The following LMBRD1 variants were observed in gnomAD, a reference collection of about 807,000 sequenced individuals.
LMBRD1 encodes the protein lysosomal cobalamin transport escort protein LMBD1.
In LMBRD1, 64 loss-of-function variants were observed where a neutral mutation model predicts 74.8. The observed-to-expected ratio is 0.86, with a 90% CI of 0.70 to 1.05. The LOEUF is 1.05. LMBRD1 is among the 50% of genes least tolerant of loss of function. The pLI is 0.00. For missense variants in LMBRD1, 652 were observed against 645.9 expected, an observed-to-expected ratio of 1.01 and a Z score of -0.10; for synonymous variants, 204 against 216.3, an observed-to-expected ratio of 0.94 and a Z score of 0.50.
intron 9 of LMBRD1, among the ~76,000 whole-genome samples, chr6:69,713,031 C>T (rs1181649730): frequency 6.6e-6 from 1 of 152,044 alleles, no homozygotes. Flanking sequence ...GAAACAATTG[C>T]ATCTCCATAA....
At chr6:69,738,064 T>A in intron 6 of LMBRD1, 49 bp from the exon 7 acceptor site, 1 of 1,321,582 alleles carries the variant, frequency 7.6e-7, no homozygotes, top group Non-Finnish European at 1.1e-6. Flanking sequence ...ACTACTCAAA[T>A]CCTTATATTT....
intron 5 of LMBRD1, among the ~76,000 whole-genome samples, chr6:69,743,421 C>A (rs1222953453): frequency 6.6e-6 from 1 of 152,102 alleles, no homozygotes; most frequent in Non-Finnish European, 1.5e-5. Context: ...AATTAATTAA[C>A]CCTTGCTCTT....
chr6:69,756,445 G>A (rs1225032611), intron 3 of LMBRD1, among the ~76,000 whole-genome samples: 4 of 151,864 alleles, frequency 2.6e-5, no homozygotes, highest in Admixed American at 2.6e-4. Flanking sequence ...AAGTCATCAG[G>A]AAAATGCAAA....
intron 8 of LMBRD1, among the ~76,000 whole-genome samples, chr6:69,714,693 G>A (rs59459704): frequency 0.37 from 55,481 of 151,828 alleles, 10,663 homozygotes; most frequent in East Asian, 0.54. Context: ...CTCTTCCCAT[G>A]TATCCTAGTG....
chr6:69,676,213 C>G lies in LMBRD1; in HGVS notation c.1568G>C (p.Gly523Ala). Reference protein sequence around the residue: ...CCKGKKSVIEGVDEDSDISDD... With the variant: ...CCKGKKSVIEAVDEDSDISDD... Reference sequence around the variant, plus strand: ...ACTTATGTCTGAATCTTCATCTACTCCTTCAATAACCGATTTCTTCCCTTT... The same window carrying G: ...ACTTATGTCTGAATCTTCATCTACTGCTTCAATAACCGATTTCTTCCCTTT... Residue 523 changes from glycine to alanine, a missense_variant, in exon 16 of 16, where the codon GGA becomes GCA. Around this residue, in one of 3 missense-constraint regions of LMBRD1, gnomAD observed 51 missense variants for 46.9 expected, o/e 1.09. Coordinates refer to ENST00000649934, the MANE Select transcript of LMBRD1 (RefSeq NM_018368.4). 6.2e-7 allele frequency: 1 copy of G among 1,613,388 alleles called. No homozygotes were observed. Among genetic ancestry groups the G allele is most frequent in the Non-Finnish European group, 8.5e-7 (1 of 1,179,642 alleles).
At chr6:69,724,062 A>G (rs1032807106) in intron 7 of LMBRD1, among the ~76,000 whole-genome samples, 1 of 152,038 alleles carries the variant, frequency 6.6e-6, no homozygotes, top group Non-Finnish European at 1.5e-5. Flanking sequence ...TATAAAAGAA[A>G]TGGATAAATT....
chr6:69,707,209 G>A (rs941577959), intron 9 of LMBRD1, among the ~76,000 whole-genome samples: 2 of 151,986 alleles, frequency 1.3e-5, no homozygotes, highest in East Asian at 1.9e-4. Flanking sequence ...GGTCATTCTC[G>A]CACTTTGAAT....
intron 5 of LMBRD1, among the ~76,000 whole-genome samples, chr6:69,747,186 C>T (rs538388883): frequency 6.6e-6 from 1 of 152,118 alleles, no homozygotes; most frequent in Non-Finnish European, 1.5e-5. Flanking sequence ...CCCTAATCAT[C>T]CCATGGCATT....
Position 69,738,024 on chromosome 6 carries a change from A to G in LMBRD1, c.563-9T>C. The G allele has an allele frequency of 6.3e-7, 1 of 1,598,308 alleles. No individual in the cohort carries two copies. The highest frequency in any genetic ancestry group is 1.1e-5 in the South Asian group (1 of 89,742). On this transcript the variant is annotated splice_polypyrimidine_tract_variant and intron_variant, in intron 6 of 15. Coordinates refer to ENST00000649934, the MANE Select transcript of LMBRD1 (RefSeq NM_018368.4). ...CAATGCAGCTAAACCATCTGTGAAG[A>G]AAGAAAAACTGTTAAAAATGTACAT...
chr6:69,704,907 G>GTTTT (rs61054932), intron 9 of LMBRD1, among the ~76,000 whole-genome samples: 2,047 of 137,256 alleles, frequency 0.015, 63 homozygotes, highest in African/African-American at 0.049. Flanking sequence ...TTGGACATTT[G>GTTTT]TTTTTTTTTT....
chr6:69,721,559 A>G (rs73745761), intron 7 of LMBRD1, among the ~76,000 whole-genome samples: 3,095 of 152,134 alleles, frequency 0.02, 114 homozygotes, highest in African/African-American at 0.07. Context: ...TCCCTCAATA[A>G]CCAGCAGTGT....
chr6:69,713,765 A>C lies in LMBRD1; in HGVS notation c.795T>G (p.Asp265Glu). The part of the protein sequence containing the change: ...SKDGRPLPAR[D>E]KRALKQFEER... ...CTTCAAATTGTTTTAAGGCGCGTTT[A>C]TCCCTTGCTGGCAAAGGTCGACCAT... is the stretch of plus-strand genomic sequence containing the variant. Residue 265 changes from aspartate to glutamate, a missense_variant, in exon 9 of 16, where the codon GAT (aspartate) becomes GAG (glutamate). By Grantham distance (45) the Asp-to-Glu change is conservative (BLOSUM62 2). This residue lies in a region of LMBRD1 where 598 missense variants were observed against 581.8 expected (regional missense o/e 1.03). Coordinates refer to ENST00000649934, the MANE Select transcript of LMBRD1 (RefSeq NM_018368.4). 2.5e-6 allele frequency: 4 copies of C among 1,613,702 alleles called. No homozygotes were observed. The highest frequency in any genetic ancestry group is 3.4e-6 in the Non-Finnish European group (4 of 1,179,706).
intron 14 of LMBRD1, among the ~76,000 whole-genome samples, chr6:69,677,771 T>C (rs1765577389): frequency 6.6e-6 from 1 of 152,132 alleles, no homozygotes; most frequent in African/African-American, 2.4e-5. Context: ...TTTACTGATG[T>C]GATTCCTGTT....
chr6:69,764,613 C>T (rs1765441793), intron 3 of LMBRD1, among the ~76,000 whole-genome samples: 2 of 152,050 alleles, frequency 1.3e-5, no homozygotes, highest in Admixed American at 1.3e-4. Context: ...GTTTTTAAGC[C>T]ATTCATAAAT....
chr6:69,678,161 A>G (rs1187559963), intron 14 of LMBRD1, among the ~76,000 whole-genome samples: 1 of 152,220 alleles, frequency 6.6e-6, no homozygotes, highest in Non-Finnish European at 1.5e-5. Context: ...TTTGTATGTT[A>G]TGTATATTAC....
chr6:69,681,571 A>C (rs1005841326), intron 14 of LMBRD1, among the ~76,000 whole-genome samples: 1 of 151,986 alleles, frequency 6.6e-6, no homozygotes, highest in African/African-American at 2.4e-5. Flanking sequence ...AAATCAATTT[A>C]TAATTAATTA....
intron 7 of LMBRD1, among the ~76,000 whole-genome samples, chr6:69,728,699 C>A (rs371230481): frequency 1.3e-5 from 2 of 152,224 alleles, no homozygotes; most frequent in Admixed American, 6.5e-5. Flanking sequence ...TCAATTTCTA[C>A]AAATCCATCT....
In LMBRD1 at chr6:69,699,060, G is replaced by A. The variant is rs773154173; in HGVS notation, c.1321C>T (p.Gln441Ter). ...LAPQYVMYGS[Q>*]NYLIETNITS... The stretch of plus-strand genomic sequence containing the variant: ...TCACTTACCTCTATTAAGTAATTTT[G>A]GCTTCCATACATAACATATTGGGGA... Residue 441 changes from glutamine to a stop codon, truncating the protein, a stop_gained, in exon 13 of 16, where the codon CAA (glutamine) becomes TAA (stop). Transcript: ENST00000649934. LOFTEE classifies it high-confidence loss of function. 6.3e-7 allele frequency: 1 copy of A among 1,595,042 alleles called. No individual in the cohort carries two copies. Among genetic ancestry groups the A allele is most frequent in the Non-Finnish European group, 8.6e-7 (1 of 1,163,894 alleles).
intron 3 of LMBRD1, among the ~76,000 whole-genome samples, chr6:69,777,843 A>G (rs1318222144): frequency 6.6e-6 from 1 of 152,238 alleles, no homozygotes; most frequent in Non-Finnish European, 1.5e-5. Flanking sequence ...GAAGAGATGG[A>G]TAAAAACTGT....
Sources: gnomAD v4.1 joint callset for allele counts (sites outside exome capture counted in the v4.1 genomes callset) on GRCh38, gnomAD v4.1.1 for gene constraint, gnomAD v4.1.1 regional missense constraint, MANE v1.5 for transcripts, NCBI Gene and HGNC (gene_info 2026-07-23, HGNC 2026-07-21) for gene names.